WEE2: variants seen among roughly 807,000 people sequenced by gnomAD.
The protein encoded by WEE2 is wee1-like protein kinase 2.
A neutral mutation model predicts 60.1 loss-of-function variants in WEE2; 50 were observed. The ratio of observed to expected loss-of-function variants is 0.83; its 90% CI spans 0.66 to 1.05. The LOEUF (loss-of-function observed/expected upper bound fraction) is 1.05. WEE2 is among the 50% of genes least tolerant of loss of function. WEE2 has a pLI of 0.00. For missense variants in WEE2, 631 were observed against 684.3 expected, an observed-to-expected ratio of 0.92 and a Z score of 0.87; for synonymous variants, 240 against 241.0, an observed-to-expected ratio of 1.00 and a Z score of 0.04.
rs1453117110 is a variant in WEE2 at position 141,723,165 on chromosome 7, C to G, written c.912C>G (p.Asn304Lys). The change falls in exon 6 of 12, where the codon AAC (asparagine) becomes AAG (lysine). Residue 304 changes from asparagine (N) to lysine (K), a missense_variant. By Grantham distance (94) the Asn-to-Lys change is moderately conservative (BLOSUM62 0). Coordinates refer to ENST00000397541, the MANE Select transcript of WEE2 (RefSeq NM_001105558.1). ...GGSLQAAISE[N>K]TKSGNHFEEP... is the part of the protein sequence containing the mutation. ...GTTTGCAAGCTGCTATATCTGAAAA[C>G]ACTAAGTCTGGCAATCATTTTGAAG... 1 of 1,614,170 alleles carries G rather than the reference C, an allele frequency of 6.2e-7. No homozygotes were observed.
intron 5 of WEE2, among the ~76,000 whole-genome samples, chr7:141,722,807 C>T (rs991549622): frequency 6.6e-6 from 1 of 152,196 alleles, no homozygotes; most frequent in African/African-American, 2.4e-5. Flanking sequence ...GGGCCATATA[C>T]TGGATACCTG....
At position 141,708,614 on chromosome 7, in the gene WEE2, T is replaced by C; in HGVS notation, c.-145T>C. 4.5e-6 allele frequency: 3 copies of C among 673,884 alleles called. No homozygotes were observed. The South Asian group carries it at 5.6e-5, about 13-fold the overall frequency. 41.7% of individuals were successfully genotyped at this position (673,884 alleles called of 1,614,324 possible). The stretch of plus-strand genomic sequence containing the variant: ...AAGGCAGAAAATTAACACCGTGTTT[T>C]GTAGCTGTTAGTTGGTAGAGGGAAA... On this transcript the variant is annotated 5_prime_UTR_variant, in exon 1 of 12. Coordinates refer to ENST00000397541, the MANE Select transcript of WEE2 (RefSeq NM_001105558.1).
At chr7:141,713,565 C>T (rs543155319) in intron 1 of WEE2, among the ~76,000 whole-genome samples, 14 of 152,180 alleles carry the variant, frequency 9.2e-5, no homozygotes, top group Non-Finnish European at 1.8e-4. Context: ...GCTTAGAGTA[C>T]TAATTTTCAA....
chr7:141,726,917 T>C (rs190312862), intron 9 of WEE2, among the ~76,000 whole-genome samples: 2 of 152,304 alleles, frequency 1.3e-5, no homozygotes, highest in East Asian at 3.9e-4. Flanking sequence ...TAATACTAAG[T>C]GAAAAAGCAA....
At chr7:141,721,744 G>T (rs975127795) in intron 5 of WEE2, among the ~76,000 whole-genome samples, 1 of 152,036 alleles carries the variant, frequency 6.6e-6, no homozygotes, top group Non-Finnish European at 1.5e-5. Context: ...GATTACAGGC[G>T]TGAGCCACTG....
intron 7 of WEE2, 24 bp downstream of exon 7, chr7:141,724,072 C>T (rs1584745322): frequency 6.3e-7 from 1 of 1,585,140 alleles, no homozygotes; most frequent in Non-Finnish European, 8.6e-7. Context: ...ATAGCCTTAC[C>T]AGTTACCATT....
intron 3 of WEE2, among the ~76,000 whole-genome samples, chr7:141,716,657 G>A (rs1267264080): frequency 6.6e-6 from 1 of 152,052 alleles, no homozygotes; most frequent in Non-Finnish European, 1.5e-5. Flanking sequence ...TGTCTGATAT[G>A]TATATGCTGG....
At position 141,714,852 on chromosome 7, in the gene WEE2, G is replaced by A. The variant is rs866152623; in HGVS notation, c.539+447G>A. Among the ~76,000 whole-genome samples the A allele has an allele frequency of 2.0e-5, 3 of 152,138 alleles. No homozygotes were observed. In the South Asian group the frequency reaches 6.2e-4, roughly 31 times the overall value. ...CTTCTCTGTGGGTGATGGAAGATTG[G>A]CTGAAGCAAAAAAGCATTGCTTTCA... On this transcript the variant is annotated intron_variant, in intron 2 of 11. Coordinates refer to ENST00000397541, the MANE Select transcript of WEE2 (RefSeq NM_001105558.1).
At chr7:141,728,358 G>A (rs1453121147) in intron 10 of WEE2, among the ~76,000 whole-genome samples, 1 of 152,168 alleles carries the variant, frequency 6.6e-6, no homozygotes, top group Admixed American at 6.5e-5. Context: ...TAGCTTTGAA[G>A]CATCCCTAAC....
rs1479467716 is a variant in WEE2 at position 141,725,081 on chromosome 7, T to C, written c.1277T>C (p.Val426Ala). Reference sequence around the variant, plus strand: ...TTTGCCTTGGGATTAACAATTGCAGTGGCTGCAGGAGCAGAGTCATTGCCC... The same window carrying C: ...TTTGCCTTGGGATTAACAATTGCAGCGGCTGCAGGAGCAGAGTCATTGCCC... ...DIFALGLTIA[V>A]AAGAESLPTN... Residue 426 changes from valine to alanine, a missense_variant, in exon 9 of 12, where the codon GTG becomes GCG. Coordinates refer to ENST00000397541, the MANE Select transcript of WEE2 (RefSeq NM_001105558.1). The C allele has an allele frequency of 1.2e-6, 2 of 1,614,046 alleles. No homozygotes were observed. Among genetic ancestry groups the C allele is most frequent in the Non-Finnish European group, 1.7e-6 (2 of 1,180,030 alleles).
At chr7:141,713,716 A>G (rs1798745615) in intron 1 of WEE2, among the ~76,000 whole-genome samples, 1 of 152,224 alleles carries the variant, frequency 6.6e-6, no homozygotes, top group Non-Finnish European at 1.5e-5. Flanking sequence ...GAACTGCTGA[A>G]TAATGAACTA....
chr7:141,727,600 G>C lies in WEE2; in HGVS notation c.1535+154G>C, dbSNP rs1033993763. On this transcript the variant is annotated intron_variant, in intron 10 of 11. Coordinates refer to ENST00000397541, the MANE Select transcript of WEE2 (RefSeq NM_001105558.1). Reference sequence around the variant, plus strand: ...GCCCACAAGGAAACTGGCAGCATGCGGCTCTTTGTAGCATCGGGCTGGGAG... The same window carrying C: ...GCCCACAAGGAAACTGGCAGCATGCCGCTCTTTGTAGCATCGGGCTGGGAG... The C allele has an allele frequency of 9.3e-6, 9 of 966,764 alleles. No individual in the cohort carries two copies. The Middle Eastern group carries it at 1.0e-3, about 108-fold the overall frequency. 59.9% of individuals were successfully genotyped at this position (966,764 alleles called of 1,614,324 possible).
chr7:141,723,256 A>T lies in WEE2; in HGVS notation c.1003A>T (p.Met335Leu). The change falls in exon 6 of 12, where the codon ATG becomes TTG. Residue 335 changes from methionine to leucine, a missense_variant. Coordinates refer to ENST00000397541, the MANE Select transcript of WEE2 (RefSeq NM_001105558.1). ...LGLNYIHNSSMVHLDIKPSNI... is the reference protein window; with the variant it reads ...LGLNYIHNSSLVHLDIKPSNI... Reference sequence around the variant, plus strand: ...CCTTAATTACATCCACAACTCTAGCATGGTACACCTGGACATCAAACCTAG... The same window carrying T: ...CCTTAATTACATCCACAACTCTAGCTTGGTACACCTGGACATCAAACCTAG... 3.1e-6 allele frequency: 5 copies of T among 1,614,040 alleles called. No homozygotes were observed. Among genetic ancestry groups the T allele is most frequent in the Non-Finnish European group, 3.4e-6 (4 of 1,180,000 alleles).
intron 1 of WEE2, among the ~76,000 whole-genome samples, chr7:141,712,163 C>A (rs926840700): frequency 6.6e-5 from 10 of 152,156 alleles, no homozygotes; most frequent in African/African-American, 2.4e-4. Context: ...AGGATTCAAG[C>A]ATCAGGGGAC....
rs754254300 is a variant in WEE2, at chr7:141,724,037, T to C, written c.1124T>C (p.Met375Thr). 3.7e-6 allele frequency: 6 copies of C among 1,612,492 alleles called. No homozygotes were observed. The highest frequency in any genetic ancestry group is 8.5e-7 in the Non-Finnish European group (1 of 1,179,128). Residue 375 changes from methionine (M) to threonine (T), a missense_variant, in exon 7 of 12, where the codon ATG (methionine) becomes ACG (threonine). Met to Thr is a moderately conservative substitution (Grantham distance 81, BLOSUM62 -1). Transcript: ENST00000397541. ...GATTGGTTTCTCTCTGCCAATGTGA[T>C]GTATAAAATTGGTTAGTCTGCCTTA... The part of the protein sequence containing the change: ...EADWFLSANV[M>T]YKIGDLGHAT...
chr7:141,714,167 T>C (rs1449541222), intron 1 of WEE2, 42 bp from the exon 2 acceptor site: 3 of 1,503,398 alleles, frequency 2.0e-6, no homozygotes, highest in African/African-American at 2.8e-5. Context: ...GGAATGTCTT[T>C]ACTAATGCTA....
In WEE2 at chr7:141,729,870, C is replaced by T. The variant is rs146248921; in HGVS notation, c.1678+197C>T. Reference sequence around the variant, plus strand: ...GGGCGAGGTGGCAGGCGCCTATAATCCCAGCTACTCAGGAGGCTGAGGAAG... The same window carrying T: ...GGGCGAGGTGGCAGGCGCCTATAATTCCAGCTACTCAGGAGGCTGAGGAAG... On this transcript the variant is annotated intron_variant, in intron 11 of 11. Transcript: ENST00000397541. Among the ~76,000 whole-genome samples, 776 of 152,102 alleles carry T rather than the reference C, an allele frequency of 5.1e-3. 6 individuals carry two copies. Among genetic ancestry groups the T allele is most frequent in the African/African-American group, 0.017 (713 of 41,486 alleles).
chr7:141,716,300 T>A (rs1224579296), intron 3 of WEE2, 33 bp downstream of exon 3: 2 of 1,604,060 alleles, frequency 1.2e-6, no homozygotes, highest in Admixed American at 3.4e-5. Context: ...GCGGCCACAA[T>A]ATAGGCAGTT....
chr7:141,721,373 A>C (rs1020873276), intron 5 of WEE2, among the ~76,000 whole-genome samples: 3 of 152,188 alleles, frequency 2.0e-5, no homozygotes, highest in Admixed American at 6.5e-5. Flanking sequence ...AGGCTGGTAG[A>C]GAAACCAGAG....
Sources: allele counts gnomAD v4.1 joint callset (sites outside exome capture counted in the v4.1 genomes callset), GRCh38; gene constraint gnomAD v4.1.1; transcripts MANE v1.5; gene names NCBI Gene and HGNC (gene_info 2026-07-23, HGNC 2026-07-21).